Variants in GPHN observed in about 807,000 individuals in gnomAD.
The protein encoded by GPHN is gephyrin.
In GPHN, 17 loss-of-function variants were observed where a neutral mutation model predicts 95.5. That is an observed-to-expected ratio of 0.18 (90% CI 0.12 to 0.27). The LOEUF is 0.27. GPHN is among the 10% of genes least tolerant of loss of function. The pLI, the probability that GPHN is intolerant of heterozygous loss-of-function variation, is 1.00. For synonymous variants in GPHN, 320 were observed against 322.5 expected (o/e 0.99, Z 0.08); for missense variants, 660 against 978.1 (o/e 0.67, Z 4.34).
chr14:66,601,610 G>A (rs2140843103), intron 1 of GPHN, among the ~76,000 whole-genome samples: 1 of 151,910 alleles, frequency 6.6e-6, no homozygotes, highest in East Asian at 1.9e-4. Context: ...ACCATTAATT[G>A]GAAGTCTTAA....
intron 2 of GPHN, among the ~76,000 whole-genome samples, chr14:66,718,915 G>A (rs1228983919): frequency 1.3e-5 from 2 of 152,130 alleles, no homozygotes; most frequent in Admixed American, 6.5e-5. Context: ...AGGTTCCCAG[G>A]TCAATGGAGT....
chr14:67,583,709 T>C, the GPHN span: 1 of 1,583,504 alleles, frequency 6.3e-7, no homozygotes, highest in Admixed American at 1.8e-5. Flanking sequence ...CTGTCAGATT[T>C]TGACTGGTCT....
chr14:67,600,320 C>G, the GPHN span: 1 of 852,292 alleles, frequency 1.2e-6, no homozygotes, highest in Admixed American at 3.4e-5. Context: ...CCGCCCTAAG[C>G]CTGCGCAGCC....
intron 5 of GPHN, among the ~76,000 whole-genome samples, chr14:66,905,800 T>C (rs2065350761): frequency 6.6e-6 from 1 of 152,090 alleles, no homozygotes; most frequent in East Asian, 1.9e-4. Flanking sequence ...AATGTTTAGC[T>C]CCCACTTACA....
At chr14:66,527,505 C>G (rs1345469455) in intron 1 of GPHN, among the ~76,000 whole-genome samples, 1 of 151,342 alleles carries the variant, frequency 6.6e-6, no homozygotes, top group Non-Finnish European at 1.5e-5. Flanking sequence ...GTGTCTTCTG[C>G]TAGCTTTTAA....
chr14:67,054,948 A>C (rs1323106410), intron 10 of GPHN, among the ~76,000 whole-genome samples: 1 of 152,204 alleles, frequency 6.6e-6, no homozygotes, highest in Non-Finnish European at 1.5e-5. Context: ...AGTTAAGTCA[A>C]GATGGATTAA....
intron 4 of GPHN, among the ~76,000 whole-genome samples, chr14:66,878,481 A>T (rs910554657): frequency 2.0e-5 from 3 of 152,216 alleles, no homozygotes; most frequent in African/African-American, 7.2e-5. Context: ...ACAAAGGGCT[A>T]ATATACAGAA....
the GPHN span, chr14:67,395,352 C>A: frequency 2.6e-6 from 4 of 1,560,270 alleles, no homozygotes; most frequent in Non-Finnish European, 3.5e-6. Context: ...CCTGCCCACC[C>A]AACACAGGCA....
At chr14:67,234,883 C>T in the GPHN span, among the ~76,000 whole-genome samples, 3 of 149,574 alleles carry the variant, frequency 2.0e-5, no homozygotes, top group East Asian at 2.1e-4. Flanking sequence ...AGGCCGGGTG[C>T]GGTGGCTCAT....
At chr14:66,832,992 T>C (rs1422137566) in intron 4 of GPHN, among the ~76,000 whole-genome samples, 1 of 152,162 alleles carries the variant, frequency 6.6e-6, no homozygotes, top group African/African-American at 2.4e-5. Flanking sequence ...AAACAGAGAA[T>C]TCACTTTACG....
At chr14:66,776,875 A>C (rs1271566959) in intron 3 of GPHN, among the ~76,000 whole-genome samples, 4 of 46,878 alleles carry the variant, frequency 8.5e-5, no homozygotes, top group African/African-American at 3.5e-4. Context: ...CCACTTTTAA[A>C]TATCAGTCTT....
chr14:66,982,769 G>A (rs529152087), intron 9 of GPHN, among the ~76,000 whole-genome samples: 9 of 152,122 alleles, frequency 5.9e-5, no homozygotes, highest in Non-Finnish European at 1.2e-4. Flanking sequence ...TTATAATGCC[G>A]TGATAGTACA....
chr14:67,513,745 C>G, the GPHN span, among the ~76,000 whole-genome samples: 1 of 152,174 alleles, frequency 6.6e-6, no homozygotes, highest in African/African-American at 2.4e-5. Flanking sequence ...CCAGTGCCTT[C>G]TGTCTCACAG....
the GPHN span, among the ~76,000 whole-genome samples, chr14:67,504,139 G>A: frequency 6.6e-6 from 1 of 152,012 alleles, no homozygotes; most frequent in Admixed American, 6.6e-5. Context: ...TCAACCTCCT[G>A]AGTAGCTGGG....
intron 9 of GPHN, among the ~76,000 whole-genome samples, chr14:66,972,700 G>C (rs912329720): frequency 6.6e-6 from 1 of 151,800 alleles, no homozygotes; most frequent in Admixed American, 6.6e-5. Context: ...TAAATTTAAT[G>C]TGTATTAATA....
In GPHN at chr14:66,767,552, T is replaced by A. The variant is rs2059010217; in HGVS notation, c.144-8912T>A. The stretch of plus-strand genomic sequence containing the variant: ...GTTTTATCAGTAACTTCTGTCTTCT[T>A]AGTAAGACAGAGGGCAAATTTATCT... On this transcript the variant is annotated intron_variant, in intron 2 of 22. Coordinates refer to ENST00000478722, the MANE Select transcript of GPHN (RefSeq NM_020806.5). Among the ~76,000 whole-genome samples the A allele has an allele frequency of 2.0e-5, 3 of 152,044 alleles. No individual in the cohort carries two copies. The South Asian group carries it at 6.2e-4, about 32-fold the overall frequency.
the GPHN span, among the ~76,000 whole-genome samples, chr14:67,326,058 C>T: frequency 6.8e-6 from 1 of 146,210 alleles, no homozygotes; most frequent in Non-Finnish European, 1.5e-5. Context: ...ATCTCGTGAC[C>T]TCGTGATCCA....
At chr14:67,360,054 C>T in the GPHN span, 1 of 434,406 alleles carries the variant, frequency 2.3e-6, no homozygotes. Context: ...CACGCCTTGT[C>T]TTTCTCCACC....
the GPHN span, among the ~76,000 whole-genome samples, chr14:67,326,192 G>A: frequency 8.5e-6 from 1 of 118,014 alleles, no homozygotes; most frequent in Non-Finnish European, 1.7e-5. Context: ...ACTTTGAATT[G>A]GCCATCCTAA....
Sources: allele counts gnomAD v4.1 joint callset (sites outside exome capture counted in the v4.1 genomes callset), GRCh38; gene constraint gnomAD v4.1.1; transcripts MANE v1.5; gene names NCBI Gene and HGNC (gene_info 2026-07-23, HGNC 2026-07-21).